Variants in MRO observed in about 807,000 individuals in gnomAD.
The protein encoded by MRO is protein maestro.
MRO carries 28 observed loss-of-function variants against 31.0 expected under a neutral mutation model. The observed-to-expected ratio is 0.90, with a 90% CI of 0.67 to 1.24. The LOEUF is 1.24. MRO is among the 50% of genes most tolerant of loss of function. MRO has a pLI of 0.00. For missense variants in MRO, 332 were observed against 289.2 expected (o/e 1.15, Z -1.07); for synonymous variants, 108 against 108.4 (o/e 1.00, Z 0.02).
intron 2 of MRO, among the ~76,000 whole-genome samples, chr18:50,817,947 G>A (rs1599043257): frequency 6.6e-6 from 1 of 151,910 alleles, no homozygotes; most frequent in Non-Finnish European, 1.5e-5. Context: ...AAGGCCCCTC[G>A]CTGGAGCCTT....
chr18:50,806,823 G>A lies in MRO; in HGVS notation c.127C>T (p.Arg43Trp), dbSNP rs770852600. The A allele has an allele frequency of 2.6e-5, 42 of 1,613,948 alleles. No individual in the cohort carries two copies. The East Asian group carries it at 5.1e-4, about 20-fold the overall frequency. ...KVSWKLRFQK[R>W]EPLKNVFFIL... is the part of the protein sequence containing the mutation. ...AAAAACACATTCTTCAGAGGCTCCCGCTTCTGGAACCTCAGTTTCCAAGAG... is the reference window on the plus strand; with the variant it reads ...AAAAACACATTCTTCAGAGGCTCCCACTTCTGGAACCTCAGTTTCCAAGAG... Residue 43 changes from arginine to tryptophan, a missense_variant, in exon 4 of 8, where the codon CGG (arginine) becomes TGG (tryptophan). By Grantham distance (101) the Arg-to-Trp change is moderately radical (BLOSUM62 -3). Coordinates refer to ENST00000398439, the MANE Select transcript of MRO (RefSeq NM_031939.6).
upstream of MRO, chr18:50,820,098 A>G (rs1915247548): frequency 6.2e-6 from 5 of 802,146 alleles, no homozygotes; most frequent in Admixed American, 4.2e-5. Flanking sequence ...GCATGACTCA[A>G]TGGACGGGTT....
chr18:50,815,685 C>A, intron 2 of MRO: 1 of 409,646 alleles, frequency 2.4e-6, no homozygotes, highest in Non-Finnish European at 4.8e-6. Context: ...CTGTGGTGAC[C>A]GTTATGGATC....
chr18:50,801,445 G>A lies in MRO; in HGVS notation c.489C>T (p.Ala163=), dbSNP rs2276186. The stretch of plus-strand genomic sequence containing the variant: ...TGAAAAATTTTTTCCATTTCCTCCC[G>A]GCAAAGGCAGCCAATTGCCCAAACA... ...FVLFGQLAAF[A]GRKWKKFFTS... Residue 163 remains alanine, a synonymous_variant, in exon 6 of 8, where the codon GCC becomes GCT. Transcript: ENST00000398439. The A allele has an allele frequency of 0.49, 794,138 of 1,610,724 alleles. 199,309 individuals are homozygous for A. Among genetic ancestry groups the A allele is most frequent in the Admixed American group, 0.62 (37,325 of 59,790 alleles).
chr18:50,824,252 T>A (rs1026804041), upstream of MRO: 5 of 152,076 alleles, frequency 3.3e-5, no homozygotes, highest in African/African-American at 1.2e-4. Context: ...CTAGGCAACA[T>A]AGGGAGACCC....
Position 50,809,416 on chromosome 18 carries a change from A to G in MRO, c.-4-12T>C. 1.3e-6 allele frequency: 2 copies of G among 1,580,918 alleles called. No homozygotes were observed. The highest frequency in any genetic ancestry group is 1.7e-6 in the Non-Finnish European group (2 of 1,151,238). On this transcript the variant is annotated splice_polypyrimidine_tract_variant and intron_variant, in intron 2 of 7. Transcript: ENST00000398439. ...TTTGGTCCATGGAACTAAAAACAAA[A>G]CAAAACAAAATCACATGCGCCACAG...
intron 3 of MRO, 61 bp downstream of exon 3, chr18:50,809,241 C>T: frequency 7.9e-7 from 1 of 1,258,974 alleles, no homozygotes; most frequent in South Asian, 1.3e-5. Flanking sequence ...ACCAAGCAAA[C>T]ATACATCTTA....
At chr18:50,802,898 TTGTGTATGTGTGTGTGTAGTG>T (rs1423000589) in intron 5 of MRO, among the ~76,000 whole-genome samples, 1 of 134,720 alleles carries the variant, frequency 7.4e-6, no homozygotes, top group African/African-American at 2.9e-5. Context: ...TAGTGAGTGT[TTGTGTATGTGTGTGTGTAGTG>T]TGTGTGTGTG....
At chr18:50,809,138 C>A (rs11661872) in intron 3 of MRO, among the ~76,000 whole-genome samples, 164 bp downstream of exon 3, 21,154 of 127,100 alleles carry the variant, frequency 0.17, 2,592 homozygotes, top group Non-Finnish European at 0.26. Context: ...GAGCGAGACT[C>A]CGTCTCAAAA....
intron 2 of MRO, chr18:50,814,902 A>G (rs1914775971): frequency 6.5e-6 from 1 of 154,672 alleles, no homozygotes; most frequent in African/African-American, 2.4e-5. Flanking sequence ...CTCTACTACA[A>G]ATACAAAAAT....
At chr18:50,823,010 C>T (rs1159839248), upstream of MRO, among the ~76,000 whole-genome samples, 1 of 152,110 alleles carries the variant, frequency 6.6e-6, no homozygotes, top group African/African-American at 2.4e-5. Context: ...AGGGCAGTCA[C>T]TCGGGAAAAC....
chr18:50,803,030 C>T (rs531315187), intron 5 of MRO, among the ~76,000 whole-genome samples: 1 of 152,118 alleles, frequency 6.6e-6, no homozygotes, highest in East Asian at 1.9e-4. Context: ...GATGCTCGCC[C>T]CGCTAGGAGT....
At chr18:50,814,524 C>T (rs534528836) in intron 2 of MRO, 3 of 192,662 alleles carry the variant, frequency 1.6e-5, no homozygotes, top group Admixed American at 1.4e-4. Flanking sequence ...TAAGGAGAAA[C>T]TCCCAAACAA....
At chr18:50,800,677 G>C (rs1913208868) in intron 6 of MRO, among the ~76,000 whole-genome samples, 1 of 152,140 alleles carries the variant, frequency 6.6e-6, no homozygotes, top group African/African-American at 2.4e-5. Flanking sequence ...CTGAGGTCAG[G>C]AGTTCGAGAC....
chr18:50,809,805 T>A (rs1429636604), intron 2 of MRO, among the ~76,000 whole-genome samples: 2 of 152,232 alleles, frequency 1.3e-5, no homozygotes, highest in Admixed American at 1.3e-4. Context: ...TTAGAGAGGA[T>A]TTGGCACTAT....
At chr18:50,809,472 A>G (rs1255723950) in intron 2 of MRO, 68 bp from the exon 3 acceptor site, 1 of 1,101,810 alleles carries the variant, frequency 9.1e-7, no homozygotes, top group African/African-American at 1.6e-5. Flanking sequence ...TTGTTGTACA[A>G]TGCATTGTGC....
At chr18:50,816,080 T>C (rs1914893694) in intron 2 of MRO, 1 of 152,420 alleles carries the variant, frequency 6.6e-6, no homozygotes, top group African/African-American at 2.4e-5. Context: ...ATACAGTTCT[T>C]AGCAGGAGAA....
chr18:50,803,290 G>C lies in MRO; in HGVS notation c.430-1786C>G, dbSNP rs190130631. Among the ~76,000 whole-genome samples, 269 of 152,116 alleles carry C rather than the reference G, an allele frequency of 1.8e-3. 1 individual carries two copies. Among genetic ancestry groups the C allele is most frequent in the Admixed American group, 4.0e-3 (61 of 15,280 alleles). ...TTTGGGAGGCCGAGACAGGAGAATC[G>C]CTTGAGCCCGGTCAGAGACCAGCCT... On this transcript the variant is annotated intron_variant, in intron 5 of 7. Coordinates refer to ENST00000398439, the MANE Select transcript of MRO (RefSeq NM_031939.6).
chr18:50,821,739 A>T (rs1011493077), upstream of MRO, among the ~76,000 whole-genome samples: 5 of 152,220 alleles, frequency 3.3e-5, no homozygotes, highest in Admixed American at 3.3e-4. Flanking sequence ...TATCTTCTCT[A>T]CTGTTAAATA....
Sources: gnomAD v4.1 joint callset for allele counts (sites outside exome capture counted in the v4.1 genomes callset) on GRCh38, gnomAD v4.1.1 for gene constraint, MANE v1.5 for transcripts, NCBI Gene and HGNC (gene_info 2026-07-23, HGNC 2026-07-21) for gene names.